SLC25A48: variants seen among roughly 807,000 people sequenced by gnomAD.
SLC25A48 encodes the protein CTC-321K16.1.
SLC25A48 carries 29 observed loss-of-function variants against 32.2 expected under a neutral mutation model. That is an observed-to-expected ratio of 0.90 (90% CI 0.67 to 1.23). The LOEUF (loss-of-function observed/expected upper bound fraction) is 1.23, where lower values mean the gene tolerates loss of function less well. Among genes scored for constraint, SLC25A48 ranks in the 50% most tolerant of loss-of-function variants. SLC25A48 has a pLI of 0.00. For synonymous variants in SLC25A48, 164 were observed against 172.3 expected (o/e 0.95, Z 0.38); for missense variants, 399 against 422.7 (o/e 0.94, Z 0.49).
intron 3 of SLC25A48, among the ~76,000 whole-genome samples, chr5:135,796,167 G>A (rs1561497279): frequency 6.6e-6 from 1 of 151,416 alleles, no homozygotes; most frequent in Non-Finnish European, 1.5e-5. Flanking sequence ...TTTATATCGT[G>A]TGGTGTGTTC....
intron 1 of SLC25A48, among the ~76,000 whole-genome samples, chr5:135,589,355 C>T (rs575767124): frequency 2.6e-5 from 4 of 152,292 alleles, no homozygotes; most frequent in East Asian, 1.9e-4. Context: ...TCCCATAGTG[C>T]GACGAAAAGG....
intron 4 of SLC25A48, among the ~76,000 whole-genome samples, chr5:135,865,789 C>A (rs1337767994): frequency 6.6e-6 from 1 of 152,138 alleles, no homozygotes; most frequent in South Asian, 2.1e-4. Context: ...CTAAGAGCGC[C>A]TTGTTAATAT....
At chr5:135,772,764 C>T (rs1396140044) in intron 3 of SLC25A48, among the ~76,000 whole-genome samples, 2 of 150,560 alleles carry the variant, frequency 1.3e-5, no homozygotes, top group Non-Finnish European at 3.0e-5. Context: ...TTCGTAATAT[C>T]CAAGAGAGGA....
At chr5:135,851,845 G>A (rs1234629728) in intron 3 of SLC25A48, among the ~76,000 whole-genome samples, 1 of 152,068 alleles carries the variant, frequency 6.6e-6, no homozygotes, top group Admixed American at 6.5e-5. Context: ...GGAAGGGACC[G>A]AACCCGGCCT....
intron 3 of SLC25A48, among the ~76,000 whole-genome samples, chr5:135,727,014 A>G (rs1169902408): frequency 6.6e-6 from 1 of 152,106 alleles, no homozygotes; most frequent in Non-Finnish European, 1.5e-5. Context: ...GTGTAGTGAT[A>G]TCTCTTTGTG....
chr5:135,724,416 C>T (rs1755040397), intron 3 of SLC25A48, among the ~76,000 whole-genome samples: 1 of 152,206 alleles, frequency 6.6e-6, no homozygotes, highest in African/African-American at 2.4e-5. Flanking sequence ...CCCTGCGCCA[C>T]CCAGCTCCTC....
At position 135,874,163 on chromosome 5, in the gene SLC25A48, A is replaced by C; in HGVS notation, c.813+9A>C. On this transcript the variant is annotated intron_variant, in intron 6 of 7. Coordinates refer to ENST00000681962, the MANE Select transcript of SLC25A48 (RefSeq NM_001349336.2). ...AGAAGGAAGGTCTTAAAGTAAGCCC[A>C]CAGCAGGCCTGCGGGGTCAGTGTCA... The C allele has an allele frequency of 2.8e-6, 4 of 1,441,530 alleles. No individual in the cohort carries two copies. The highest frequency in any genetic ancestry group is 3.6e-6 in the Non-Finnish European group (4 of 1,105,902). The allele number at this position is 1,441,530 out of a possible 1,614,324, so 89.3% of individuals were successfully genotyped here.
chr5:135,729,851 T>C (rs186844922), intron 3 of SLC25A48, among the ~76,000 whole-genome samples: 50 of 152,334 alleles, frequency 3.3e-4, no homozygotes, highest in African/African-American at 1.2e-3. Context: ...TAATAGCTAA[T>C]TGGCCTTGTG....
At chr5:135,876,131 C>CTTTTTTTTTTTTTTTTT (rs1182130199) in intron 6 of SLC25A48, 1 of 24,396 alleles carries the variant, frequency 4.1e-5, no homozygotes, top group African/African-American at 1.1e-4. Flanking sequence ...TTTTCTTCTT[C>CTTTTTTTTTTTTTTTTT]TTTTTTTTTT....
At chr5:135,620,470 T>C (rs1363756512) in intron 1 of SLC25A48, among the ~76,000 whole-genome samples, 1 of 152,158 alleles carries the variant, frequency 6.6e-6, no homozygotes, top group Non-Finnish European at 1.5e-5. Flanking sequence ...GTCCTGCTAC[T>C]GGGGAGAGCA....
rs150764739 is a variant in SLC25A48, at chr5:135,629,759, G to A, written c.-709+383G>A. The stretch of plus-strand genomic sequence containing the variant: ...CAACTCCCCATCCATCATGGGTGGA[G>A]GGTTGCTCTCAGTGGTAGGGCATGT... On this transcript the variant is annotated intron_variant, in intron 2 of 10. Transcript: ENST00000646290. This position sits in a 1 kb window ranked among gnomAD's most constrained non-coding sequence, Gnocchi z 4.8. 6.6e-6 allele frequency among the ~76,000 whole-genome samples: 1 copy of A among 152,336 alleles called. No homozygotes were observed. Among genetic ancestry groups the A allele is most frequent in the Non-Finnish European group, 1.5e-5 (1 of 68,024 alleles).
intron 1 of SLC25A48, chr5:135,601,143 C>CT (rs938472550): frequency 3.3e-5 from 5 of 152,196 alleles, no homozygotes; most frequent in African/African-American, 1.2e-4. Flanking sequence ...GAGGAAGTGA[C>CT]TAGGGAAGTT....
intron 1 of SLC25A48, among the ~76,000 whole-genome samples, chr5:135,626,710 G>A (rs1478849950): frequency 6.6e-6 from 1 of 152,146 alleles, no homozygotes; most frequent in Non-Finnish European, 1.5e-5. Flanking sequence ...AGCAAGTTCT[G>A]AAAGTTCAGG....
intron 3 of SLC25A48, among the ~76,000 whole-genome samples, chr5:135,740,909 A>ATAT (rs1200991678): frequency 1.3e-5 from 2 of 152,244 alleles, no homozygotes; most frequent in Non-Finnish European, 2.9e-5. Flanking sequence ...CAGCCCAAGT[A>ATAT]TATTTTGAAT....
intron 3 of SLC25A48, among the ~76,000 whole-genome samples, chr5:135,713,648 CT>C (rs1248959202): frequency 6.6e-6 from 1 of 152,210 alleles, no homozygotes; most frequent in Non-Finnish European, 1.5e-5. Flanking sequence ...CTCCAAGTGA[CT>C]GAAGTTAGTT....
At chr5:135,704,028 T>G (rs575651201) in intron 3 of SLC25A48, among the ~76,000 whole-genome samples, 2 of 152,316 alleles carry the variant, frequency 1.3e-5, no homozygotes, top group South Asian at 4.1e-4. Flanking sequence ...AATATCTGTG[T>G]CAATTTGGAC....
intron 4 of SLC25A48, among the ~76,000 whole-genome samples, chr5:135,817,801 G>T (rs1201468511): frequency 6.6e-6 from 1 of 152,078 alleles, no homozygotes; most frequent in Non-Finnish European, 1.5e-5. Flanking sequence ...TACACAAAAA[G>T]CTCTTACAAC....
At chr5:135,715,938 C>T (rs1454400299) in intron 3 of SLC25A48, among the ~76,000 whole-genome samples, 2 of 152,148 alleles carry the variant, frequency 1.3e-5, no homozygotes, top group African/African-American at 4.8e-5. Context: ...TGGGGCTCCA[C>T]TTTGTATTTC....
intron 1 of SLC25A48, among the ~76,000 whole-genome samples, chr5:135,837,532 C>T (rs866157508): frequency 6.6e-6 from 1 of 152,192 alleles, no homozygotes; most frequent in Admixed American, 6.5e-5. Flanking sequence ...GTTTCCCCAC[C>T]CAAATCTCAT....
Sources: allele counts gnomAD v4.1 joint callset (sites outside exome capture counted in the v4.1 genomes callset), GRCh38; gene constraint gnomAD v4.1.1; non-coding constraint Gnocchi (gnomAD v3.1); transcripts MANE v1.5; gene names NCBI Gene and HGNC (gene_info 2026-07-23, HGNC 2026-07-21).